Variants in MAP6 observed in about 807,000 individuals in gnomAD.
MAP6 encodes microtubule associated protein 6, also known as microtubule-associated protein 6.
In MAP6, 26 loss-of-function variants were observed where a neutral mutation model predicts 42.4. The ratio of observed to expected loss-of-function variants is 0.61; its 90% CI spans 0.45 to 0.85. The LOEUF is 0.85. Among genes scored for constraint, MAP6 ranks in the 40% least tolerant of loss-of-function variants. MAP6 has a pLI of 0.00. For missense variants in MAP6, 966 were observed against 1,099.0 expected (o/e 0.88, Z 1.71); for synonymous variants, 418 against 443.8 (o/e 0.94, Z 0.73).
chr11:75,632,975 TTGTTGC>T (rs1943307634), intron 1 of MAP6, among the ~76,000 whole-genome samples: 1 of 152,036 alleles, frequency 6.6e-6, no homozygotes, highest in Non-Finnish European at 1.5e-5. Flanking sequence ...AGTTTTGTTG[TTGTTGC>T]TGTTGTTTCT....
intron 1 of MAP6, among the ~76,000 whole-genome samples, chr11:75,623,886 A>G (rs1202434973): frequency 6.6e-6 from 1 of 152,110 alleles, no homozygotes; most frequent in African/African-American, 2.4e-5. Context: ...TCTTGTTGCT[A>G]CTGATTCCCT....
Position 75,638,382 on chromosome 11 carries a change from A to T in MAP6, c.905+29083T>A, listed in dbSNP as rs146358393. The T allele has an allele frequency of 1.9e-4, 29 of 152,072 alleles. No individual in the cohort carries two copies. The East Asian group carries it at 5.4e-3, about 28-fold the overall frequency. The allele number at this position is 152,072 out of a possible 1,614,324, so 9.4% of individuals were successfully genotyped here. A position where few individuals can be genotyped will look rare whatever the true frequency, so the allele number is the denominator to read the frequency against. On this transcript the variant is annotated intron_variant, in intron 1 of 3. Coordinates refer to ENST00000304771, the MANE Select transcript of MAP6 (RefSeq NM_033063.2). ...CCTGAAACATGGTTGGTCACTAAGG[A>T]CTCCGCACTGCCCTTGGGGTGCTCC...
chr11:75,644,575 T>C (rs527288810), intron 1 of MAP6, among the ~76,000 whole-genome samples: 1 of 152,302 alleles, frequency 6.6e-6, no homozygotes, highest in East Asian at 1.9e-4. Context: ...CTGGATTCAA[T>C]CCAGATGTGC....
chr11:75,598,837 C>G (rs1273392439), intron 3 of MAP6: 2 of 152,328 alleles, frequency 1.3e-5, no homozygotes, highest in African/African-American at 4.8e-5. Flanking sequence ...GCGGATGACA[C>G]AGTACATGTG....
chr11:75,594,686 T>A (rs1942546796), intron 3 of MAP6: 1 of 152,242 alleles, frequency 6.6e-6, no homozygotes, highest in Non-Finnish European at 1.5e-5. Flanking sequence ...ATGGCTGGTG[T>A]AGCTTCTTCT....
chr11:75,644,790 G>C (rs1000151844), intron 1 of MAP6, among the ~76,000 whole-genome samples: 1 of 152,094 alleles, frequency 6.6e-6, no homozygotes, highest in African/African-American at 2.4e-5. Context: ...ATCTAAGAAA[G>C]AAAATTTGGT....
chr11:75,667,789 G>A lies in MAP6; in HGVS notation c.581C>T (p.Pro194Leu). The part of the protein sequence containing the change: ...SQASAPILGA[P>L]KRRPQSQERW... ...CTCCTGGCTCTGCGGCCGGCGCTTG[G>A]GCGCCCCGAGAATGGGCGCCGACGC... Residue 194 changes from proline (P) to leucine (L), a missense_variant, in exon 1 of 4, where the codon CCC (proline) becomes CTC (leucine). Pro to Leu is a moderately conservative substitution (Grantham distance 98). Transcript: ENST00000304771. The surrounding 1 kb of genome is among the most constrained non-coding windows in gnomAD (Gnocchi z 5.6). The A allele has an allele frequency of 1.5e-6, 2 of 1,307,498 alleles. No homozygotes were observed. Among genetic ancestry groups the A allele is most frequent in the Non-Finnish European group, 1.9e-6 (2 of 1,027,114 alleles). 81.0% of individuals were successfully genotyped at this position (1,307,498 alleles called of 1,614,324 possible).
chr11:75,611,436 C>A (rs976638006), intron 1 of MAP6, among the ~76,000 whole-genome samples: 10 of 152,230 alleles, frequency 6.6e-5, no homozygotes, highest in African/African-American at 2.2e-4. Context: ...AACAGTGGGA[C>A]ATGTCCCTGT....
chr11:75,658,070 T>C (rs1031580322), intron 1 of MAP6, among the ~76,000 whole-genome samples: 1 of 152,200 alleles, frequency 6.6e-6, no homozygotes, highest in Non-Finnish European at 1.5e-5. Context: ...AATTTATGTA[T>C]CCTACTGTTG....
intron 1 of MAP6, among the ~76,000 whole-genome samples, chr11:75,659,658 G>A (rs1943809498): frequency 6.6e-6 from 1 of 152,146 alleles, no homozygotes; most frequent in South Asian, 2.1e-4. Context: ...GCTGGTTCAG[G>A]CCCATGTTGA....
chr11:75,632,492 A>G (rs1164682578), intron 1 of MAP6, among the ~76,000 whole-genome samples: 1 of 152,098 alleles, frequency 6.6e-6, no homozygotes, highest in East Asian at 1.9e-4. Context: ...TTGTAAGTTA[A>G]TACATCCATC....
At position 75,668,187 on chromosome 11, in the gene MAP6, C is replaced by G. The variant is rs976246585; in HGVS notation, c.183G>C (p.Ser61=). 4.8e-6 allele frequency: 6 copies of G among 1,241,460 alleles called. No homozygotes were observed. The highest frequency in any genetic ancestry group is 5.0e-6 in the Non-Finnish European group (5 of 999,968). The allele number at this position is 1,241,460 out of a possible 1,614,324, so 76.9% of individuals were successfully genotyped here. A position where few individuals can be genotyped will look rare whatever the true frequency, so the allele number is the denominator to read the frequency against. ...GCGTCTCTATGGCAACCGCGCGCGC[C>G]GAGGGGGGCGCGAGCGCCGGCTGCG... ...QQAQPALAPP[S]ARAVAIETQP... The change falls in exon 1 of 4, where the codon TCG becomes TCC. Residue 61 remains serine (S), a synonymous_variant. Transcript: ENST00000304771.
intron 1 of MAP6, among the ~76,000 whole-genome samples, chr11:75,640,442 A>G (rs1193116565): frequency 6.6e-6 from 1 of 152,190 alleles, no homozygotes; most frequent in Non-Finnish European, 1.5e-5. Context: ...CAATTCAAAC[A>G]TGACTGTTTG....
chr11:75,644,201 C>T (rs1360132326), intron 1 of MAP6, among the ~76,000 whole-genome samples: 2 of 152,054 alleles, frequency 1.3e-5, no homozygotes, highest in African/African-American at 4.8e-5. Context: ...GTATAAATCA[C>T]TACCATAAAG....
At chr11:75,618,580 T>C (rs1943044205) in intron 1 of MAP6, among the ~76,000 whole-genome samples, 2 of 151,910 alleles carry the variant, frequency 1.3e-5, no homozygotes, top group African/African-American at 4.8e-5. Flanking sequence ...CACTCCAGCC[T>C]GGGCAACAAA....
At chr11:75,591,553 G>A (rs1056333109) in intron 3 of MAP6, among the ~76,000 whole-genome samples, 15 of 152,228 alleles carry the variant, frequency 9.9e-5, no homozygotes, top group South Asian at 2.1e-4. Context: ...CGTGGCTTGG[G>A]GAGCAGAAGC....
intron 1 of MAP6, among the ~76,000 whole-genome samples, chr11:75,640,496 A>G (rs1324732368): frequency 1.3e-5 from 2 of 152,168 alleles, no homozygotes; most frequent in Non-Finnish European, 2.9e-5. Flanking sequence ...CATAATAACA[A>G]TCTCAGAAGC....
intron 1 of MAP6, among the ~76,000 whole-genome samples, chr11:75,665,883 A>G (rs1943938020): frequency 6.6e-6 from 1 of 152,146 alleles, no homozygotes; most frequent in Non-Finnish European, 1.5e-5. Flanking sequence ...CAAGAGAGAG[A>G]TGCCAAGTGG....
rs1943996394 is a variant in MAP6 at position 75,668,109 on chromosome 11, A to G, written c.261T>C (p.Pro87=). 9.3e-7 allele frequency: 1 copy of G among 1,080,770 alleles called. No individual in the cohort carries two copies. Among genetic ancestry groups the G allele is most frequent in the African/African-American group, 1.7e-5 (1 of 58,222 alleles). The allele number at this position is 1,080,770 out of a possible 1,614,324, so 66.9% of individuals were successfully genotyped here. The change falls in exon 1 of 4, where the codon CCT becomes CCC. Residue 87 remains proline, a synonymous_variant. Transcript: ENST00000304771. ...CCGGCTCGCGCTCGCCGGTAGGCCCAGGCGCTGGCCCCGTTGCCCGGGCAA... is the reference window on the plus strand; with the variant it reads ...CCGGCTCGCGCTCGCCGGTAGGCCCGGGCGCTGGCCCCGTTGCCCGGGCAA... The part of the protein sequence containing the change: ...DAVARATGPA[P]GPTGEREPAA...
Sources: allele counts gnomAD v4.1 joint callset (sites outside exome capture counted in the v4.1 genomes callset), GRCh38; gene constraint gnomAD v4.1.1; non-coding constraint Gnocchi (gnomAD v3.1); transcripts MANE v1.5; gene names NCBI Gene and HGNC (gene_info 2026-07-23, HGNC 2026-07-21).